The following CTNNA3 variants were observed in gnomAD, a reference collection of about 807,000 sequenced individuals.
The protein encoded by CTNNA3 is catenin alpha-3.
CTNNA3 carries 76 observed loss-of-function variants against 95.7 expected under a neutral mutation model. That is an observed-to-expected ratio of 0.79 (90% confidence interval 0.66 to 0.96). The LOEUF (loss-of-function observed/expected upper bound fraction) is 0.96. CTNNA3 is among the 40% of genes least tolerant of loss of function. The pLI is 0.00. For missense variants in CTNNA3, 1,191 were observed against 1,089.8 expected (o/e 1.09, Z -1.31); for synonymous variants, 431 against 374.4 (o/e 1.15, Z -1.74).
At chr10:67,467,146 A>T (rs371152333) in intron 5 of CTNNA3, among the ~76,000 whole-genome samples, 28 of 152,160 alleles carry the variant, frequency 1.8e-4, no homozygotes, top group African/African-American at 6.5e-4. Flanking sequence ...TCAAAAAAAA[A>T]GAAAAAGAAA....
intron 8 of CTNNA3, 80 bp from the exon 9 acceptor site, chr10:66,766,496 T>C: frequency 8.1e-7 from 1 of 1,237,216 alleles, no homozygotes; most frequent in South Asian, 1.5e-5. Flanking sequence ...ATCTCAGTAG[T>C]TACACAACTC....
Position 67,280,821 on chromosome 10 carries a change from A to G in CTNNA3, c.580-60951T>C, listed in dbSNP as rs549845338. Among the ~76,000 whole-genome samples, 14 of 152,194 alleles carry G rather than the reference A, an allele frequency of 9.2e-5. No individual in the cohort carries two copies. The East Asian group carries it at 1.9e-3, about 21-fold the overall frequency. On this transcript the variant is annotated intron_variant, in intron 5 of 17. Transcript: ENST00000433211. Reference sequence around the variant, plus strand: ...ATATTTCCTCCATTTCCCTCCCCCAATGAAGAGGGTATATAAGCTTCAACT... The same window carrying G: ...ATATTTCCTCCATTTCCCTCCCCCAGTGAAGAGGGTATATAAGCTTCAACT...
At chr10:67,171,211 T>A (rs1233212070) in intron 7 of CTNNA3, among the ~76,000 whole-genome samples, 1 of 152,098 alleles carries the variant, frequency 6.6e-6, no homozygotes, top group African/African-American at 2.4e-5. Flanking sequence ...CATTAAATGG[T>A]TTTCAGGCAT....
rs10527642 is a variant in CTNNA3 at position 66,635,990 on chromosome 10, C to CTGTGTGTG, written c.1282-14214_1282-14207dup. ...ATGAGTGAAACAAATTGGAAGAACA[C>CTGTGTGTG]TGTGTGTGTGTGTGTGTGTGTGTGT... is the stretch of plus-strand genomic sequence containing the variant. On this transcript the variant is annotated intron_variant, in intron 9 of 17. Coordinates refer to ENST00000433211, the MANE Select transcript of CTNNA3 (RefSeq NM_013266.4). Among the ~76,000 whole-genome samples, 63 of 145,942 alleles carry CTGTGTGTG rather than the reference C, an allele frequency of 4.3e-4. 1 individual carries two copies. Among genetic ancestry groups the CTGTGTGTG allele is most frequent in the East Asian group, 2.5e-3 (12 of 4,776 alleles).
At chr10:67,532,925 G>A (rs1350285957) in intron 4 of CTNNA3, among the ~76,000 whole-genome samples, 2 of 152,274 alleles carry the variant, frequency 1.3e-5, no homozygotes, top group East Asian at 3.9e-4. Flanking sequence ...ATTCAAGCAA[G>A]GTCTCCATGC....
intron 15 of CTNNA3, among the ~76,000 whole-genome samples, chr10:66,034,489 T>TCAACAG (rs1398758281): frequency 6.6e-6 from 1 of 152,146 alleles, no homozygotes; most frequent in Non-Finnish European, 1.5e-5. Flanking sequence ...TCACCTAACT[T>TCAACAG]CAACAGCAGC....
chr10:66,048,490 G>T (rs1012874905), intron 15 of CTNNA3, among the ~76,000 whole-genome samples: 1 of 152,180 alleles, frequency 6.6e-6, no homozygotes, highest in Admixed American at 6.5e-5. Context: ...GCTCAGCGCG[G>T]TGGCTCACGC....
chr10:67,613,574 G>T (rs1170210100), intron 2 of CTNNA3, among the ~76,000 whole-genome samples: 1 of 152,044 alleles, frequency 6.6e-6, no homozygotes, highest in East Asian at 1.9e-4. Flanking sequence ...TTTAGTTGGG[G>T]TCTGATCAGT....
At chr10:66,360,627 CTT>C (rs1483607949) in intron 12 of CTNNA3, among the ~76,000 whole-genome samples, 1 of 39,544 alleles carries the variant, frequency 2.5e-5, no homozygotes, top group African/African-American at 8.7e-5. Flanking sequence ...TTCTTTCTTT[CTT>C]TCTTTCTTTC....
At chr10:66,480,284 C>T (rs1284258697) in intron 11 of CTNNA3, among the ~76,000 whole-genome samples, 4 of 152,040 alleles carry the variant, frequency 2.6e-5, no homozygotes, top group Non-Finnish European at 5.9e-5. Context: ...CAGTATGTTC[C>T]TAACTATGAC....
At chr10:67,334,583 C>G (rs1258281529) in intron 5 of CTNNA3, 1 of 152,490 alleles carries the variant, frequency 6.6e-6, no homozygotes. Context: ...TTCCATCAAG[C>G]TGATTGCTGA....
At chr10:66,329,091 C>A (rs965827262) in intron 12 of CTNNA3, among the ~76,000 whole-genome samples, 2 of 151,132 alleles carry the variant, frequency 1.3e-5, no homozygotes, top group Non-Finnish European at 3.0e-5. Context: ...GCTGGGATTA[C>A]AGGTGTGTGC....
chr10:66,957,397 T>TATATATATATATGCATATATATATATGC (rs1564793769), intron 7 of CTNNA3, among the ~76,000 whole-genome samples: 14 of 36,846 alleles, frequency 3.8e-4, no homozygotes, highest in Non-Finnish European at 1.2e-3. Context: ...TATATACATA[T>TATATATATATATGCATATATATATATGC]ATATATATAT....
chr10:66,343,855 CAATT>C (rs1376649566), intron 12 of CTNNA3, among the ~76,000 whole-genome samples: 9 of 151,812 alleles, frequency 5.9e-5, no homozygotes, highest in African/African-American at 9.7e-5. Flanking sequence ...TATTATTTGT[CAATT>C]AAATAAATTT....
chr10:66,493,599 A>ATTTTTTTTT (rs528761424), intron 11 of CTNNA3, among the ~76,000 whole-genome samples: 1,331 of 111,930 alleles, frequency 0.012, 155 homozygotes, highest in African/African-American at 0.047. Flanking sequence ...TAACTACAGT[A>ATTTTTTTTT]TTTTTTTTTT....
At chr10:66,915,105 C>A (rs1299434776) in intron 7 of CTNNA3, among the ~76,000 whole-genome samples, 1 of 148,308 alleles carries the variant, frequency 6.7e-6, no homozygotes, top group Non-Finnish European at 1.5e-5. Flanking sequence ...GTGGAGAGAT[C>A]ATTTTTTGAA....
rs1043149404 is a variant in CTNNA3, at chr10:67,744,033, C to G, written c.-2+19401G>C. ...CAAACAAATGGAAGAACATTCCATG[C>G]TCATGGATAGGAAGAATCAATACCA... On this transcript the variant is annotated intron_variant, in intron 1 of 17. Transcript: ENST00000684154. Among the ~76,000 whole-genome samples, 17 of 151,338 alleles carry G rather than the reference C, an allele frequency of 1.1e-4. 1 individual carries two copies. The highest frequency in any genetic ancestry group is 4.4e-5 in the Non-Finnish European group (3 of 67,752).
chr10:66,424,762 A>G (rs775448636), intron 11 of CTNNA3, among the ~76,000 whole-genome samples: 4 of 152,082 alleles, frequency 2.6e-5, no homozygotes, highest in Non-Finnish European at 4.4e-5. Context: ...TCTGTTTGCT[A>G]CAGGGGTATT....
chr10:66,620,968 A>T (rs978907504), intron 10 of CTNNA3, among the ~76,000 whole-genome samples: 1 of 152,122 alleles, frequency 6.6e-6, no homozygotes, highest in Admixed American at 6.6e-5. Flanking sequence ...CTTCTCAGAT[A>T]AGAGTGTTTA....
Sources: gnomAD v4.1 joint callset for allele counts (sites outside exome capture counted in the v4.1 genomes callset) on GRCh38, gnomAD v4.1.1 for gene constraint, MANE v1.5 for transcripts, NCBI Gene and HGNC (gene_info 2026-07-23, HGNC 2026-07-21) for gene names.